The following ADAM32 variants were observed in gnomAD, a reference collection of about 807,000 sequenced individuals.
The protein encoded by ADAM32 is disintegrin and metalloproteinase domain-containing protein 32.
A neutral mutation model predicts 114.9 loss-of-function variants in ADAM32; 89 were observed. That is an observed-to-expected ratio of 0.77 (90% confidence interval 0.65 to 0.92). The LOEUF is 0.92. Ranked by LOEUF, ADAM32 falls within the 40% of genes least tolerant of loss-of-function variation. The probability of loss-of-function intolerance (pLI) is 0.00; values close to 1 mark genes in which losing one functional copy is unlikely to be tolerated. For missense variants in ADAM32, 870 were observed against 932.8 expected (o/e 0.93, Z 0.88); for synonymous variants, 285 against 307.5 (o/e 0.93, Z 0.77).
chr8:39,218,999 G>C (rs1469081706), intron 12 of ADAM32, among the ~76,000 whole-genome samples: 1 of 152,064 alleles, frequency 6.6e-6, no homozygotes, highest in African/African-American at 2.4e-5. Flanking sequence ...CCCGGATGGG[G>C]TCCTTCCATT....
At chr8:39,227,023 G>A (rs1809421662) in intron 14 of ADAM32, among the ~76,000 whole-genome samples, 1 of 152,198 alleles carries the variant, frequency 6.6e-6, no homozygotes, top group African/African-American at 2.4e-5. Flanking sequence ...GGCAGGACTA[G>A]ATTACAGCTC....
chr8:39,107,907 GC>G, intron 1 of ADAM32, 74 bp downstream of exon 1: 1 of 1,449,196 alleles, frequency 6.9e-7, no homozygotes. Flanking sequence ...AAAGCCCGGG[GC>G]CCTCCCTGTC....
intron 10 of ADAM32, among the ~76,000 whole-genome samples, chr8:39,185,940 G>C: frequency 6.9e-6 from 1 of 144,292 alleles, no homozygotes; most frequent in East Asian, 1.9e-4. Context: ...TCCTCTGCTG[G>C]CAAGGGAAGT....
intron 2 of ADAM32, among the ~76,000 whole-genome samples, chr8:39,125,406 G>A (rs1433798235): frequency 6.6e-6 from 1 of 152,110 alleles, no homozygotes; most frequent in Admixed American, 6.6e-5. Flanking sequence ...CACGTAACTT[G>A]TCTGGTTTCA....
At chr8:39,276,028 C>G in intron 22 of ADAM32, 162 bp downstream of exon 22, 1 of 517,546 alleles carries the variant, frequency 1.9e-6, no homozygotes, top group South Asian at 5.3e-5. Flanking sequence ...TAGTAACTTG[C>G]GAGTATTTGT....
Position 39,257,490 on chromosome 8 carries a change from G to A in ADAM32, c.2162+147G>A, listed in dbSNP as rs150690328. On this transcript the variant is annotated intron_variant, in intron 19 of 24. Transcript: ENST00000379907. ...ATATGTCATTTAATTTTATGAGGTA[G>A]CTGTGAATACCCATTTTTAAGACAC... is the stretch of plus-strand genomic sequence containing the variant. 1.5e-4 allele frequency: 160 copies of A among 1,044,092 alleles called. No individual in the cohort carries two copies. The African/African-American group carries it at 2.4e-3, about 16-fold the overall frequency. The allele number at this position is 1,044,092 out of a possible 1,614,324, so 64.7% of individuals were successfully genotyped here. A position where few individuals can be genotyped will look rare whatever the true frequency, so the allele number is the denominator to read the frequency against.
intron 11 of ADAM32, among the ~76,000 whole-genome samples, chr8:39,188,832 GTAT>G (rs1265313353): frequency 6.6e-6 from 1 of 152,018 alleles, no homozygotes; most frequent in Non-Finnish European, 1.5e-5. Context: ...TATGAGTAGA[GTAT>G]TATATTAATT....
intron 11 of ADAM32, among the ~76,000 whole-genome samples, chr8:39,203,448 C>G (rs1022900420): frequency 1.3e-5 from 2 of 152,118 alleles, no homozygotes; most frequent in Admixed American, 1.3e-4. Flanking sequence ...AGACTAGGAT[C>G]GCAACCCCTG....
intron 19 of ADAM32, among the ~76,000 whole-genome samples, chr8:39,259,874 G>A (rs763254083): frequency 6.6e-6 from 1 of 152,166 alleles, no homozygotes; most frequent in Non-Finnish European, 1.5e-5. Context: ...TCCACAGCCA[G>A]TATAATGGTA....
At chr8:39,129,528 C>A (rs937110865) in intron 2 of ADAM32, among the ~76,000 whole-genome samples, 4 of 151,924 alleles carry the variant, frequency 2.6e-5, no homozygotes, top group Non-Finnish European at 5.9e-5. Flanking sequence ...GATGTTAAAC[C>A]ATTCTTGCAT....
chr8:39,223,263 A>G, intron 14 of ADAM32, 25 bp downstream of exon 14: 3 of 1,481,092 alleles, frequency 2.0e-6, no homozygotes, highest in South Asian at 2.7e-5. Context: ...TTACATCTCA[A>G]TAGCCCTTAA....
At chr8:39,148,816 T>A (rs1803657492) in intron 4 of ADAM32, among the ~76,000 whole-genome samples, 1 of 152,218 alleles carries the variant, frequency 6.6e-6, no homozygotes, top group South Asian at 2.1e-4. Flanking sequence ...TTATTTATAA[T>A]AAAATTTATA....
In ADAM32 at chr8:39,241,875, T is replaced by C. The variant is rs557973883; in HGVS notation, c.1819-4208T>C. On this transcript the variant is annotated intron_variant, in intron 16 of 24. Coordinates refer to ENST00000379907, the MANE Select transcript of ADAM32 (RefSeq NM_145004.7). ...TTCTGTAGCTGGCTTGAATTTCTTT[T>C]CAGCAAGTGGGATTTTCTTTTCTAT... Among the ~76,000 whole-genome samples, 5 of 152,362 alleles carry C rather than the reference T, an allele frequency of 3.3e-5. No homozygotes were observed. In the East Asian group the frequency reaches 9.6e-4, roughly 29 times the overall value.
intron 16 of ADAM32, among the ~76,000 whole-genome samples, chr8:39,244,529 A>G (rs933443647): frequency 6.6e-6 from 1 of 152,230 alleles, no homozygotes; most frequent in African/African-American, 2.4e-5. Flanking sequence ...GACAAAGCAA[A>G]CAAAAACATA....
At chr8:39,170,504 A>G (rs1032319544) in intron 10 of ADAM32, among the ~76,000 whole-genome samples, 2 of 152,034 alleles carry the variant, frequency 1.3e-5, no homozygotes, top group Non-Finnish European at 2.9e-5. Context: ...GCATTATTGA[A>G]AAGTTGATGC....
intron 3 of ADAM32, among the ~76,000 whole-genome samples, chr8:39,137,119 C>T (rs529681042): frequency 6.6e-6 from 1 of 152,274 alleles, no homozygotes; most frequent in Non-Finnish European, 1.5e-5. Context: ...TGTTGCAGAG[C>T]TGGCGAATAG....
Position 39,140,272 on chromosome 8 carries a change from TC to T in ADAM32, c.200+3557del, listed in dbSNP as rs528169837. 3.7e-3 allele frequency among the ~76,000 whole-genome samples: 556 copies of T among 152,280 alleles called. 2 individuals are homozygous for T. Among genetic ancestry groups the T allele is most frequent in the African/African-American group, 0.013 (537 of 41,554 alleles). On this transcript the variant is annotated intron_variant, in intron 3 of 24. Transcript: ENST00000379907. Reference sequence around the variant, plus strand: ...TGTGTGGGTTTTCAAAGGGAATGCTTCCCGTTTTGGCTGTGGGTTTGTCATA... The same window carrying T: ...TGTGTGGGTTTTCAAAGGGAATGCTTCCGTTTTGGCTGTGGGTTTGTCATA...
At chr8:39,115,412 C>T (rs184971612) in intron 1 of ADAM32, among the ~76,000 whole-genome samples, 3 of 152,312 alleles carry the variant, frequency 2.0e-5, no homozygotes, top group Non-Finnish European at 4.4e-5. Context: ...CCTCTGCAAC[C>T]TTGCCAACAC....
At chr8:39,199,792 C>T (rs2129447765) in intron 11 of ADAM32, among the ~76,000 whole-genome samples, 1 of 146,744 alleles carries the variant, frequency 6.8e-6, no homozygotes, top group East Asian at 2.0e-4. Context: ...CCACAACAGG[C>T]ACCGGTGTGT....
Sources: gnomAD v4.1 joint callset for allele counts (sites outside exome capture counted in the v4.1 genomes callset) on GRCh38, gnomAD v4.1.1 for gene constraint, MANE v1.5 for transcripts, NCBI Gene and HGNC (gene_info 2026-07-23, HGNC 2026-07-21) for gene names.